The following MAPK6 variants were observed in gnomAD, a reference collection of about 807,000 sequenced individuals.
The protein encoded by MAPK6 is mitogen-activated protein kinase 6.
A neutral mutation model predicts 59.3 loss-of-function variants in MAPK6; 19 were observed. The observed-to-expected ratio is 0.32, with a 90% CI of 0.22 to 0.47. MAPK6 has a LOEUF of 0.47. Ranked by LOEUF, MAPK6 falls within the 20% of genes least tolerant of loss-of-function variation. The probability of loss-of-function intolerance (pLI) is 1.00; values close to 1 mark genes in which losing one functional copy is unlikely to be tolerated. For synonymous variants in MAPK6, 316 were observed against 290.3 expected (o/e 1.09, Z -0.90); for missense variants, 724 against 847.9 (o/e 0.85, Z 1.81).
chr15:52,047,194 T>C (rs1333950843), intron 2 of MAPK6, among the ~76,000 whole-genome samples, 179 bp downstream of exon 2: 1 of 152,184 alleles, frequency 6.6e-6, no homozygotes, highest in Admixed American at 6.5e-5. Flanking sequence ...GATAATTAAA[T>C]ACAAATTTCT....
chr15:52,052,731 C>CT (rs1468932897), intron 3 of MAPK6, among the ~76,000 whole-genome samples: 5 of 152,080 alleles, frequency 3.3e-5, no homozygotes, highest in Non-Finnish European at 7.4e-5. Flanking sequence ...TACTTTTTTC[C>CT]TTTTTACGGG....
At chr15:52,026,329 T>C (rs970798079) in intron 1 of MAPK6, among the ~76,000 whole-genome samples, 4 of 152,194 alleles carry the variant, frequency 2.6e-5, no homozygotes, top group Admixed American at 2.0e-4. Flanking sequence ...TTTGCTCTTA[T>C]TGTTCAGGTT....
intron 3 of MAPK6, among the ~76,000 whole-genome samples, chr15:52,054,912 C>T (rs2031915311): frequency 6.6e-6 from 1 of 152,134 alleles, no homozygotes; most frequent in Admixed American, 6.5e-5. Context: ...CTCAGCCTCT[C>T]AAGTAGCTGG....
intron 2 of MAPK6, among the ~76,000 whole-genome samples, chr15:52,002,914 C>T (rs1016094394): frequency 2.0e-5 from 3 of 151,922 alleles, no homozygotes; most frequent in African/African-American, 7.3e-5. Context: ...GATCACCGGG[C>T]GCGGTGGCTC....
At chr15:52,024,195 G>C (rs2030660133) in intron 1 of MAPK6, among the ~76,000 whole-genome samples, 3 of 152,046 alleles carry the variant, frequency 2.0e-5, no homozygotes, top group African/African-American at 7.2e-5. Context: ...GAGGGGTCAT[G>C]GGCATTATCT....
chr15:51,975,433 C>T (rs974649981), intron 1 of MAPK6, among the ~76,000 whole-genome samples: 1 of 151,354 alleles, frequency 6.6e-6, no homozygotes, highest in African/African-American at 2.4e-5. Context: ...CCCAGCTACT[C>T]AGGAGGCTGA....
chr15:52,026,858 T>A (rs899219569), intron 1 of MAPK6, among the ~76,000 whole-genome samples: 2 of 125,664 alleles, frequency 1.6e-5, no homozygotes, highest in African/African-American at 5.2e-5. Context: ...TAGACTAGCC[T>A]GGCCAACATG....
chr15:52,029,048 TTTTG>T, intron 1 of MAPK6, among the ~76,000 whole-genome samples: 1 of 152,364 alleles, frequency 6.6e-6, no homozygotes, highest in South Asian at 2.1e-4. Flanking sequence ...GTATGCTTTT[TTTTG>T]TTTCTGAGAC....
intron 3 of MAPK6, among the ~76,000 whole-genome samples, chr15:52,013,004 AAAAAAAAAAAAAAAAAATATAT>A (rs1208003493): frequency 1.1e-3 from 21 of 18,752 alleles, no homozygotes; most frequent in South Asian, 1.9e-3. Flanking sequence ...AAAAAAAAAA[AAAAAAAAAAAAAAAAAATATAT>A]ATATATATAT....
At chr15:52,008,036 G>C (rs530213261) in intron 3 of MAPK6, among the ~76,000 whole-genome samples, 8 of 151,958 alleles carry the variant, frequency 5.3e-5, no homozygotes, top group African/African-American at 1.7e-4. Flanking sequence ...CAGTAGAGAC[G>C]GGGTTTCACC....
chr15:52,005,396 G>A (rs1434755575), intron 3 of MAPK6, among the ~76,000 whole-genome samples: 1 of 152,032 alleles, frequency 6.6e-6, no homozygotes, highest in African/African-American at 2.4e-5. Flanking sequence ...GCATGGTGGC[G>A]GGTGCCTGTA....
At chr15:52,044,179 G>A (rs896117146) in intron 1 of MAPK6, among the ~76,000 whole-genome samples, 1 of 151,630 alleles carries the variant, frequency 6.6e-6, no homozygotes, top group Non-Finnish European at 1.5e-5. Context: ...TTTTTTTTTG[G>A]GGGGGCGGGC....
chr15:51,977,802 A>G (rs2057161628), intron 1 of MAPK6, among the ~76,000 whole-genome samples: 1 of 151,694 alleles, frequency 6.6e-6, no homozygotes, highest in South Asian at 2.1e-4. Flanking sequence ...CTCCTAAAGT[A>G]CTGGGATTAT....
intron 5 of MAPK6, among the ~76,000 whole-genome samples, chr15:52,062,669 G>GCAGGAGAATCACTTGAA (rs1329972734): frequency 6.6e-6 from 1 of 152,192 alleles, no homozygotes; most frequent in Non-Finnish European, 1.5e-5. Context: ...GGAGGCTGAG[G>GCAGGAGAATCACTTGAA]CAGGAGAATC....
chr15:51,972,944 G>A (rs1040214494), intron 1 of MAPK6, among the ~76,000 whole-genome samples: 1 of 151,850 alleles, frequency 6.6e-6, no homozygotes. Flanking sequence ...AGGAGTTGGA[G>A]GCTGCAGTGA....
rs2032427406 is a variant in MAPK6 at position 52,066,592 on chromosome 15, G to T, written c.*1592G>T. The T allele has an allele frequency of 9.8e-6, 1 of 102,496 alleles. No homozygotes were observed. Among genetic ancestry groups the T allele is most frequent in the Non-Finnish European group, 2.5e-5 (1 of 40,764 alleles). The allele number at this position is 102,496 out of a possible 1,614,324, so 6.3% of individuals were successfully genotyped here. ...CTCACTTTTCTTTCATCCTTGTTTTGTACAACACCAATTCTATTAATATCT... is the reference window on the plus strand; with the variant it reads ...CTCACTTTTCTTTCATCCTTGTTTTTTACAACACCAATTCTATTAATATCT... On this transcript the variant is annotated 3_prime_UTR_variant, in exon 6 of 6. Transcript: ENST00000261845.
In MAPK6 at chr15:52,066,207, G is replaced by C. The variant is rs987536675; in HGVS notation, c.*1207G>C. On this transcript the variant is annotated 3_prime_UTR_variant, in exon 6 of 6. Transcript: ENST00000261845. ...TATTTTATTTTATTGAATACTGTCT[G>C]TATCTTTGGTTATCCTGTTTGAAGA... The C allele has an allele frequency of 1.1e-4, 17 of 152,358 alleles. No individual in the cohort carries two copies. The highest frequency in any genetic ancestry group is 3.1e-4 in the African/African-American group (13 of 41,414). 9.4% of individuals were successfully genotyped at this position (152,358 alleles called of 1,614,324 possible).
chr15:52,065,167 T>G lies in MAPK6; in HGVS notation c.*167T>G. 1.7e-6 allele frequency: 1 copy of G among 594,178 alleles called. No homozygotes were observed. The highest frequency in any genetic ancestry group is 2.7e-6 in the Non-Finnish European group (1 of 371,406). 36.8% of individuals were successfully genotyped at this position (594,178 alleles called of 1,614,324 possible). Reference sequence around the variant, plus strand: ...AGACTTTCTTTTTCTACATGTGAGATAGTTTTCATTTTAACTGGCATGTCA... The same window carrying G: ...AGACTTTCTTTTTCTACATGTGAGAGAGTTTTCATTTTAACTGGCATGTCA... On this transcript the variant is annotated 3_prime_UTR_variant, in exon 6 of 6. Coordinates refer to ENST00000261845, the MANE Select transcript of MAPK6 (RefSeq NM_002748.4).
At chr15:52,023,251 T>G (rs955966099) in intron 1 of MAPK6, among the ~76,000 whole-genome samples, 1 of 152,222 alleles carries the variant, frequency 6.6e-6, no homozygotes, top group Non-Finnish European at 1.5e-5. Context: ...GAACCTTGTG[T>G]TACTCTAGGT....
Sources: allele counts gnomAD v4.1 joint callset (sites outside exome capture counted in the v4.1 genomes callset), GRCh38; gene constraint gnomAD v4.1.1; transcripts MANE v1.5; gene names NCBI Gene and HGNC (gene_info 2026-07-23, HGNC 2026-07-21).